KIF26B: variants seen among roughly 807,000 people sequenced by gnomAD.
KIF26B encodes the protein kinesin-like protein KIF26B.
In KIF26B, 63 loss-of-function variants were observed where a neutral mutation model predicts 151.2. That is an observed-to-expected ratio of 0.42 (90% CI 0.34 to 0.51). The LOEUF is 0.51. KIF26B is among the 20% of genes least tolerant of loss of function. The pLI is 0.07. For missense variants in KIF26B, 2,813 were observed against 2,913.6 expected (o/e 0.97, Z 0.79); for synonymous variants, 1,357 against 1,262.1 (o/e 1.08, Z -1.59).
chr1:245,591,426 GC>G (rs2043287920), intron 5 of KIF26B, among the ~76,000 whole-genome samples: 1 of 152,248 alleles, frequency 6.6e-6, no homozygotes, highest in Middle Eastern at 3.4e-3. Context: ...ACTCTGCTAG[GC>G]CAGTACTGTT....
rs533439345 is a variant in KIF26B, at chr1:245,166,358, C to T, written c.465+9675C>T. ...TCAGAGAAAATGAAAGCATTCAGTG[C>T]GTCTTTGTTTCTTCACCTCCAAGTG... On this transcript the variant is annotated intron_variant, in intron 2 of 14. Transcript: ENST00000407071. The surrounding 1 kb of genome is among the most constrained non-coding windows in gnomAD (Gnocchi z 4.5). 6.6e-5 allele frequency among the ~76,000 whole-genome samples: 10 copies of T among 152,232 alleles called. No homozygotes were observed. In the South Asian group the frequency reaches 1.9e-3, roughly 28 times the overall value.
rs546718855 is a variant in KIF26B at position 245,673,175 on chromosome 1, C to T, written c.2259-11058C>T. On this transcript the variant is annotated intron_variant, in intron 10 of 14. Coordinates refer to ENST00000407071, the MANE Select transcript of KIF26B (RefSeq NM_018012.4). ...GCGCTGCCATATTAGGCCCAGTCCC[C>T]GCTGCGCGCTGCCATCTTAGGCCCA... 6.6e-5 allele frequency among the ~76,000 whole-genome samples: 7 copies of T among 105,980 alleles called. 1 individual carries two copies. The highest frequency in any genetic ancestry group is 4.5e-4 in the South Asian group (1 of 2,230). The allele number at this position is 105,980 out of a possible 152,430, so 69.5% of individuals were successfully genotyped here.
In KIF26B at chr1:245,352,959, T is replaced by C. The variant is rs955856033; in HGVS notation, c.466-13875T>C. ...TTTTCCACTGAGTCTGCTCATATTA[T>C]TCATACGATTATCACGTTAGAGGTT... On this transcript the variant is annotated intron_variant, in intron 2 of 14. Coordinates refer to ENST00000407071, the MANE Select transcript of KIF26B (RefSeq NM_018012.4). This position sits in a 1 kb window ranked among gnomAD's most constrained non-coding sequence, Gnocchi z 5.0. Among the ~76,000 whole-genome samples the C allele has an allele frequency of 6.6e-6, 1 of 152,210 alleles. No homozygotes were observed. The highest frequency in any genetic ancestry group is 1.5e-5 in the Non-Finnish European group (1 of 68,048).
intron 9 of KIF26B, among the ~76,000 whole-genome samples, chr1:245,625,229 G>T (rs2043710584): frequency 6.6e-6 from 1 of 152,110 alleles, no homozygotes; most frequent in Admixed American, 6.5e-5. Context: ...TTTTAAAGTT[G>T]TTTTGGCTAT....
At chr1:245,324,101 G>A (rs1296044837) in intron 2 of KIF26B, among the ~76,000 whole-genome samples, 48 of 135,146 alleles carry the variant, frequency 3.6e-4, no homozygotes, top group African/African-American at 1.3e-3. Context: ...CATGGGTGGT[G>A]AGAGGTAGAG....
At chr1:245,694,812 A>G (rs777333107) in intron 12 of KIF26B, among the ~76,000 whole-genome samples, 11 of 152,228 alleles carry the variant, frequency 7.2e-5, no homozygotes, top group Non-Finnish European at 1.2e-4. Flanking sequence ...GGGCCATTTC[A>G]TGCGGTAAAT....
At chr1:245,577,373 C>T (rs1435223813) in intron 5 of KIF26B, among the ~76,000 whole-genome samples, 3 of 148,862 alleles carry the variant, frequency 2.0e-5, no homozygotes, top group Non-Finnish European at 4.5e-5. Flanking sequence ...GGTGTCCCGA[C>T]TCCCCCATCT....
At chr1:245,656,501 T>A (rs992873433) in intron 10 of KIF26B, among the ~76,000 whole-genome samples, 1 of 152,184 alleles carries the variant, frequency 6.6e-6, no homozygotes, top group Non-Finnish European at 1.5e-5. Flanking sequence ...CTAACCATCA[T>A]ATCACAAGTT....
chr1:245,314,969 T>C (rs1558385826), intron 2 of KIF26B, among the ~76,000 whole-genome samples: 2 of 151,824 alleles, frequency 1.3e-5, no homozygotes, highest in Non-Finnish European at 2.9e-5. Flanking sequence ...TCACCTGAGG[T>C]CGGGAGTTGG....
intron 2 of KIF26B, among the ~76,000 whole-genome samples, chr1:245,331,086 C>T (rs544437006): frequency 1.3e-5 from 2 of 152,054 alleles, no homozygotes; most frequent in South Asian, 2.1e-4. Flanking sequence ...GGAACGCAGC[C>T]GCGGCAGGGG....
rs535488341 is a variant in KIF26B, at chr1:245,317,222, G to A, written c.466-49612G>A. ...CTTCCCGGTAGAAGGAAGGAGTTGCGCTAAGGTCCCTTCTTAGAAATTAGC... is the reference window on the plus strand; with the variant it reads ...CTTCCCGGTAGAAGGAAGGAGTTGCACTAAGGTCCCTTCTTAGAAATTAGC... On this transcript the variant is annotated intron_variant, in intron 2 of 14. Transcript: ENST00000407071. Among the ~76,000 whole-genome samples the A allele has an allele frequency of 3.3e-5, 5 of 152,238 alleles. No homozygotes were observed. In the East Asian group the frequency reaches 5.8e-4, roughly 18 times the overall value.
intron 5 of KIF26B, among the ~76,000 whole-genome samples, chr1:245,558,746 C>T (rs530788289): frequency 1.3e-5 from 2 of 152,326 alleles, no homozygotes; most frequent in East Asian, 1.9e-4. Flanking sequence ...GACAACATAA[C>T]GTCGGGGAAA....
intron 2 of KIF26B, among the ~76,000 whole-genome samples, chr1:245,332,701 C>G (rs1163181690): frequency 3.9e-5 from 6 of 152,144 alleles, no homozygotes; most frequent in African/African-American, 1.4e-4. Flanking sequence ...ATGCTTTGCA[C>G]AAGACAGCGA....
Position 245,688,136 on chromosome 1 carries a change from C to A in KIF26B, c.5153C>A (p.Pro1718His). 6.3e-7 allele frequency: 1 copy of A among 1,589,032 alleles called. No homozygotes were observed. Among genetic ancestry groups the A allele is most frequent in the Non-Finnish European group, 8.5e-7 (1 of 1,173,830 alleles). Residue 1718 changes from proline (P) to histidine (H), a missense_variant, in exon 12 of 15, where the codon CCC becomes CAC. Physicochemically the swap from Pro to His is moderately conservative, Grantham distance 77 (BLOSUM62 -2). Coordinates refer to ENST00000407071, the MANE Select transcript of KIF26B (RefSeq NM_018012.4). Reference protein sequence around the residue: ...RSLGRSAGTSPPSSGASPKAG... With the variant: ...RSLGRSAGTSHPSSGASPKAG... Reference sequence around the variant, plus strand: ...CTGGGCCGCAGCGCCGGGACCTCGCCCCCCAGCTCCGGGGCCTCGCCCAAG... The same window carrying A: ...CTGGGCCGCAGCGCCGGGACCTCGCACCCCAGCTCCGGGGCCTCGCCCAAG...
intron 3 of KIF26B, among the ~76,000 whole-genome samples, chr1:245,377,140 C>T (rs1673296433): frequency 1.3e-5 from 2 of 152,286 alleles, no homozygotes; most frequent in South Asian, 4.1e-4. Context: ...GTCTTGAACT[C>T]CTGACCTCAG....
At chr1:245,369,066 A>T (rs1344002004) in intron 3 of KIF26B, among the ~76,000 whole-genome samples, 1 of 152,118 alleles carries the variant, frequency 6.6e-6, no homozygotes, top group African/African-American at 2.4e-5. Context: ...TGAGCCCAGG[A>T]GGCGGAGGCT....
At position 245,687,673 on chromosome 1, in the gene KIF26B, G is replaced by GT; in HGVS notation, c.4691dup (p.Ala1566CysfsTer77). On this transcript the variant is annotated frameshift_variant, in exon 12 of 15. Coordinates refer to ENST00000407071, the MANE Select transcript of KIF26B (RefSeq NM_018012.4). LOFTEE classifies it high-confidence loss of function. The surrounding 1 kb of genome is among the most constrained non-coding windows in gnomAD (Gnocchi z 4.9). ...TTACTGCGCTGCTGAGACCAACGGG[G>GT]TGGGTGCAGCCTCGGGCACCCCGCC... 6.3e-7 allele frequency: 1 copy of GT among 1,578,180 alleles called. No homozygotes were observed. Among genetic ancestry groups the GT allele is most frequent in the Non-Finnish European group, 8.6e-7 (1 of 1,162,414 alleles).
Position 245,323,850 on chromosome 1 carries a change from G to A in KIF26B, c.466-42984G>A, listed in dbSNP as rs966105021. Reference sequence around the variant, plus strand: ...GGAAGCATATGGTGGACTTGAAGGTGGAGTTGGTGTGGACCCTGCCGTGGG... The same window carrying A: ...GGAAGCATATGGTGGACTTGAAGGTAGAGTTGGTGTGGACCCTGCCGTGGG... On this transcript the variant is annotated intron_variant, in intron 2 of 14. Transcript: ENST00000407071. Among the ~76,000 whole-genome samples the A allele has an allele frequency of 2.0e-5, 3 of 152,228 alleles. No homozygotes were observed. In the South Asian group the frequency reaches 6.2e-4, roughly 31 times the overall value.
At chr1:245,171,756 G>A (rs1264260746) in intron 2 of KIF26B, among the ~76,000 whole-genome samples, 2 of 152,200 alleles carry the variant, frequency 1.3e-5, no homozygotes, top group Non-Finnish European at 2.9e-5. Context: ...GAAGAGCATG[G>A]TTCTTGGGGT....
Sources: gnomAD v4.1 joint callset for allele counts (sites outside exome capture counted in the v4.1 genomes callset) on GRCh38, gnomAD v4.1.1 for gene constraint, Gnocchi (gnomAD v3.1) non-coding constraint, MANE v1.5 for transcripts, NCBI Gene and HGNC (gene_info 2026-07-23, HGNC 2026-07-21) for gene names.